POPDC1: variants seen among roughly 807,000 people sequenced by gnomAD.
POPDC1 encodes the protein popeye domain cAMP effector 1.
At chr6:105,104,831 G>A in the POPDC1 span, among the ~76,000 whole-genome samples, 2 of 152,198 alleles carry the variant, frequency 1.3e-5, no homozygotes, top group Non-Finnish European at 1.5e-5. Flanking sequence ...CAAGGTGCTA[G>A]GACAATGGGT....
the POPDC1 span, among the ~76,000 whole-genome samples, chr6:105,102,280 T>A: frequency 6.6e-6 from 1 of 152,188 alleles, no homozygotes; most frequent in Non-Finnish European, 1.5e-5. Flanking sequence ...ATGAAGCAGA[T>A]CTGCTACAAG....
At chr6:105,101,081 C>T in the POPDC1 span, 1 of 1,601,938 alleles carries the variant, frequency 6.2e-7, no homozygotes, top group South Asian at 1.1e-5. Context: ...CCTGAATTCT[C>T]TCTCTGATCA....
At chr6:105,132,115 G>T in the POPDC1 span, among the ~76,000 whole-genome samples, 8 of 152,044 alleles carry the variant, frequency 5.3e-5, no homozygotes, top group East Asian at 1.5e-3. Context: ...ACAAGTGCCT[G>T]CCACCATGCC....
the POPDC1 span, among the ~76,000 whole-genome samples, chr6:105,117,889 T>C: frequency 6.6e-6 from 1 of 152,014 alleles, no homozygotes; most frequent in African/African-American, 2.4e-5. Context: ...CTATAAAACA[T>C]ACACAAATTA....
chr6:105,100,339 C>T, the POPDC1 span: 3 of 151,696 alleles, frequency 2.0e-5, no homozygotes, highest in Admixed American at 6.6e-5. Flanking sequence ...GAAACCCCAT[C>T]TCTACTAAAA....
chr6:105,103,043 T>G, the POPDC1 span, among the ~76,000 whole-genome samples: 1 of 152,254 alleles, frequency 6.6e-6, no homozygotes, highest in Non-Finnish European at 1.5e-5. Context: ...GTTCTTCCCC[T>G]TTCCCATGCA....
the POPDC1 span, chr6:105,129,431 AAC>A: frequency 1.2e-6 from 2 of 1,612,828 alleles, no homozygotes; most frequent in African/African-American, 1.3e-5. Context: ...GACACCCAAG[AAC>A]ACAGAGTTCC....
At chr6:105,124,534 T>C in the POPDC1 span, 5 of 1,538,524 alleles carry the variant, frequency 3.2e-6, no homozygotes, top group Non-Finnish European at 4.5e-6. Context: ...TTAAAAATCA[T>C]GTGAAAACAT....
At chr6:105,123,413 T>G in the POPDC1 span, among the ~76,000 whole-genome samples, 1 of 152,032 alleles carries the variant, frequency 6.6e-6, no homozygotes, top group Non-Finnish European at 1.5e-5. Flanking sequence ...TTGTTTGTTT[T>G]TTTTTGAGAC....
chr6:105,136,842 C>T, the POPDC1 span: 1 of 152,224 alleles, frequency 6.6e-6, no homozygotes. Flanking sequence ...GCCGCCAGGG[C>T]CGACAAAGTT....
At chr6:105,107,379 C>T in the POPDC1 span, among the ~76,000 whole-genome samples, 3 of 152,164 alleles carry the variant, frequency 2.0e-5, no homozygotes, top group African/African-American at 7.2e-5. Flanking sequence ...TTTCAGTGTG[C>T]TTCTAATTAC....
the POPDC1 span, among the ~76,000 whole-genome samples, chr6:105,120,653 C>T: frequency 6.6e-6 from 1 of 152,172 alleles, no homozygotes; most frequent in Admixed American, 6.5e-5. Context: ...GTGATTACCA[C>T]AAGGTACTGG....
the POPDC1 span, among the ~76,000 whole-genome samples, chr6:105,117,222 TG>T: frequency 6.6e-6 from 1 of 152,146 alleles, no homozygotes; most frequent in Non-Finnish European, 1.5e-5. Flanking sequence ...CTTTACACCC[TG>T]TACATTACAA....
At chr6:105,100,819 A>G in the POPDC1 span, 7 of 236,652 alleles carry the variant, frequency 3.0e-5, no homozygotes, top group Admixed American at 3.4e-4. Context: ...AAACAATAAT[A>G]TATCTAGAAA....
chr6:105,127,246 C>T, the POPDC1 span, among the ~76,000 whole-genome samples: 3 of 152,106 alleles, frequency 2.0e-5, no homozygotes, highest in African/African-American at 7.2e-5. Context: ...TGAGAAGAAA[C>T]AAAAGCACAG....
chr6:105,107,198 G>T, the POPDC1 span, among the ~76,000 whole-genome samples: 2,616 of 151,694 alleles, frequency 0.017, 33 homozygotes, highest in Non-Finnish European at 0.028. Context: ...ACAAATATGT[G>T]AGAACATGTT....
At chr6:105,131,790 C>T in the POPDC1 span, among the ~76,000 whole-genome samples, 1 of 151,976 alleles carries the variant, frequency 6.6e-6, no homozygotes, top group Non-Finnish European at 1.5e-5. Flanking sequence ...ACCTCCAAAA[C>T]TCTGTCTTAA....
At chr6:105,115,700 C>A in the POPDC1 span, 1 of 1,614,102 alleles carries the variant, frequency 6.2e-7, no homozygotes, top group Non-Finnish European at 8.5e-7. Context: ...AGAGGACATG[C>A]TGGAGGTACC....
At chr6:105,136,411 G>A in the POPDC1 span, 1 of 152,278 alleles carries the variant, frequency 6.6e-6, no homozygotes, top group Non-Finnish European at 1.5e-5. Context: ...TCCTCGGCCA[G>A]GCGCTCTCGG....
Sources: allele counts gnomAD v4.1 joint callset (sites outside exome capture counted in the v4.1 genomes callset), GRCh38; gene constraint gnomAD v4.1.1; transcripts MANE v1.5; gene names NCBI Gene and HGNC (gene_info 2026-07-23, HGNC 2026-07-21).